SND1: variants seen among roughly 807,000 people sequenced by gnomAD.
SND1 encodes staphylococcal nuclease domain-containing protein 1.
In SND1, 38 loss-of-function variants were observed where a neutral mutation model predicts 121.7. The observed-to-expected ratio is 0.31, with a 90% CI of 0.24 to 0.41. The LOEUF (loss-of-function observed/expected upper bound fraction) is 0.41, where lower values mean the gene tolerates loss of function less well. Ranked by LOEUF, SND1 falls within the 10% of genes least tolerant of loss-of-function variation. The pLI is 1.00. For synonymous variants in SND1, 401 were observed against 447.4 expected (o/e 0.90, Z 1.31); for missense variants, 868 against 1,184.6 (o/e 0.73, Z 3.92).
At chr7:127,687,055 T>C (rs1795825902) in intron 2 of SND1, 2 of 269,180 alleles carry the variant, frequency 7.4e-6, no homozygotes, top group Non-Finnish European at 1.4e-5. Context: ...ATTTCCTGGG[T>C]AGCCTTAAGC....
intron 16 of SND1, among the ~76,000 whole-genome samples, chr7:128,018,070 A>G (rs190107540): frequency 9.2e-5 from 14 of 152,306 alleles, no homozygotes; most frequent in African/African-American, 3.1e-4. Flanking sequence ...AACCCTGCCC[A>G]TGCACTCTTC....
rs1482277401 is a variant in SND1 at position 128,070,384 on chromosome 7, T to C, written c.1780-4118T>C. Among the ~76,000 whole-genome samples, 8 of 152,320 alleles carry C rather than the reference T, an allele frequency of 5.3e-5. No homozygotes were observed. In the South Asian group the frequency reaches 1.5e-3, roughly 28 times the overall value. Reference sequence around the variant, plus strand: ...GCCCTCAAGGCCATATCCACCCACATGTGCACGTCAGTGCATGCTCTCATA... The same window carrying C: ...GCCCTCAAGGCCATATCCACCCACACGTGCACGTCAGTGCATGCTCTCATA... On this transcript the variant is annotated intron_variant, in intron 16 of 23. Transcript: ENST00000354725.
intron 14 of SND1, among the ~76,000 whole-genome samples, chr7:127,923,354 C>T (rs534560453): frequency 1.3e-5 from 2 of 152,138 alleles, no homozygotes; most frequent in East Asian, 3.9e-4. Flanking sequence ...CAGTGTTCTC[C>T]TCTGTGTTCA....
Position 127,694,962 on chromosome 7 carries a change from A to T in SND1, c.349+14A>T. ...ACCTTGGAAAAGGTGAGCTGCAGGG[A>T]GAGGACTCATTTCTCTCAAGTCTAA... On this transcript the variant is annotated intron_variant, in intron 3 of 23. Coordinates refer to ENST00000354725, the MANE Select transcript of SND1 (RefSeq NM_014390.4). 1 of 1,607,516 alleles carries T rather than the reference A, an allele frequency of 6.2e-7. No homozygotes were observed. The highest frequency in any genetic ancestry group is 8.5e-7 in the Non-Finnish European group (1 of 1,176,546).
chr7:128,040,498 T>C (rs1584756927), intron 16 of SND1, among the ~76,000 whole-genome samples: 1 of 103,746 alleles, frequency 9.6e-6, no homozygotes, highest in Admixed American at 1.0e-4. Context: ...AAAAAAAAAG[T>C]GACATGGTAA....
chr7:127,816,013 C>A (rs1481944810), intron 11 of SND1, among the ~76,000 whole-genome samples: 1 of 152,190 alleles, frequency 6.6e-6, no homozygotes, highest in Admixed American at 6.5e-5. Flanking sequence ...TTCCCTCCTG[C>A]AGACCAGCTG....
At chr7:127,958,857 C>A (rs575666306) in intron 15 of SND1, among the ~76,000 whole-genome samples, 53 of 152,062 alleles carry the variant, frequency 3.5e-4, no homozygotes, top group Non-Finnish European at 5.9e-5. Flanking sequence ...TTCTCTGTCC[C>A]CTGAATTTTC....
At chr7:127,891,407 C>T (rs923552197) in intron 13 of SND1, among the ~76,000 whole-genome samples, 1 of 152,062 alleles carries the variant, frequency 6.6e-6, no homozygotes, top group African/African-American at 2.4e-5. Flanking sequence ...TAGTTTGAAG[C>T]ACCTCGTTCT....
chr7:127,991,793 C>A (rs1486507075), intron 16 of SND1, among the ~76,000 whole-genome samples: 1 of 152,202 alleles, frequency 6.6e-6, no homozygotes, highest in African/African-American at 2.4e-5. Context: ...TAGAGGCTGT[C>A]TCTCTAATGA....
chr7:127,897,806 G>A (rs988178477), intron 13 of SND1, among the ~76,000 whole-genome samples: 1 of 152,058 alleles, frequency 6.6e-6, no homozygotes, highest in South Asian at 2.1e-4. Flanking sequence ...GATTTCCTGT[G>A]CACCTATTAA....
In SND1 at chr7:127,707,655, A is replaced by C. The variant is rs1796224111; in HGVS notation, c.1038+8A>C. 6.2e-7 allele frequency: 1 copy of C among 1,610,368 alleles called. No individual in the cohort carries two copies. The highest frequency in any genetic ancestry group is 8.5e-7 in the Non-Finnish European group (1 of 1,176,702). ...AAGCAGTTTGTTGCCAAGGTGAGTC[A>C]TTCTCAGCATCTTGATATGCATAGT... On this transcript the variant is annotated splice_region_variant and intron_variant, in intron 9 of 23. Coordinates refer to ENST00000354725, the MANE Select transcript of SND1 (RefSeq NM_014390.4).
intron 13 of SND1, among the ~76,000 whole-genome samples, chr7:127,888,732 G>A (rs1035112459): frequency 6.6e-6 from 1 of 152,084 alleles, no homozygotes; most frequent in African/African-American, 2.4e-5. Context: ...GACTTGGATA[G>A]CTCAGCAGAC....
intron 10 of SND1, among the ~76,000 whole-genome samples, chr7:127,763,860 G>A (rs1797354967): frequency 6.6e-6 from 1 of 151,946 alleles, no homozygotes; most frequent in Non-Finnish European, 1.5e-5. Context: ...TGGGGAGACT[G>A]AGGGAGGAGG....
intron 16 of SND1, among the ~76,000 whole-genome samples, chr7:128,067,627 A>C (rs756017292): frequency 1.3e-5 from 2 of 152,126 alleles, no homozygotes; most frequent in African/African-American, 4.8e-5. Flanking sequence ...AGCATCCTCC[A>C]CAACTGTTTT....
chr7:128,089,908 T>C (rs1310342106), intron 22 of SND1: 2 of 551,102 alleles, frequency 3.6e-6, no homozygotes, highest in East Asian at 6.4e-5. Context: ...AGAATGCAGC[T>C]GCAAACTAGA....
intron 11 of SND1, among the ~76,000 whole-genome samples, chr7:127,823,444 A>C (rs756907614): frequency 2.0e-5 from 3 of 152,142 alleles, no homozygotes; most frequent in Non-Finnish European, 4.4e-5. Context: ...CAACCAGGTA[A>C]GGTTCCCATG....
intron 16 of SND1, among the ~76,000 whole-genome samples, chr7:128,047,173 C>T (rs1792963658): frequency 6.6e-6 from 1 of 152,210 alleles, no homozygotes; most frequent in South Asian, 2.1e-4. Flanking sequence ...ATGACTTATA[C>T]CAGTCAGCAT....
intron 11 of SND1, among the ~76,000 whole-genome samples, chr7:127,816,436 G>A (rs186149687): frequency 1.3e-5 from 2 of 152,206 alleles, no homozygotes; most frequent in East Asian, 3.9e-4. Flanking sequence ...GGCCTTTTTG[G>A]ATAAGATATT....
intron 17 of SND1, among the ~76,000 whole-genome samples, chr7:128,080,322 G>A (rs571573335): frequency 1.3e-4 from 20 of 152,358 alleles, no homozygotes; most frequent in Admixed American, 8.5e-4. Context: ...TTGACACGCT[G>A]TCGCGTCAAA....
Sources: gnomAD v4.1 joint callset for allele counts (sites outside exome capture counted in the v4.1 genomes callset) on GRCh38, gnomAD v4.1.1 for gene constraint, MANE v1.5 for transcripts, NCBI Gene and HGNC (gene_info 2026-07-23, HGNC 2026-07-21) for gene names.